CNTN5: variants seen among roughly 807,000 people sequenced by gnomAD.
CNTN5 encodes contactin 5.
A neutral mutation model predicts 129.1 loss-of-function variants in CNTN5; 77 were observed. The ratio of observed to expected loss-of-function variants is 0.60; its 90% CI spans 0.50 to 0.72. The LOEUF is 0.72. Ranked by LOEUF, CNTN5 falls within the 30% of genes least tolerant of loss-of-function variation. CNTN5 has a pLI of 0.00. For missense variants in CNTN5, 1,478 were observed against 1,328.8 expected, an observed-to-expected ratio of 1.11 and a Z score of -1.75; for synonymous variants, 509 against 465.6, an observed-to-expected ratio of 1.09 and a Z score of -1.20.
chr11:99,378,857 A>G (rs964844336), intron 2 of CNTN5, among the ~76,000 whole-genome samples: 11 of 152,128 alleles, frequency 7.2e-5, no homozygotes, highest in Non-Finnish European at 1.2e-4. Context: ...TGAACATATT[A>G]TAATAGTTGC....
Position 99,244,916 on chromosome 11 carries a change from T to C in CNTN5, c.-209-80430T>C, listed in dbSNP as rs370160918. 2.1e-4 allele frequency among the ~76,000 whole-genome samples: 32 copies of C among 152,354 alleles called. No homozygotes were observed. In the East Asian group the frequency reaches 2.9e-3, roughly 14 times the overall value. On this transcript the variant is annotated intron_variant, in intron 1 of 24. Transcript: ENST00000524871. ...CTTTTAGAAGAATGAAAGGATAGTA[T>C]TGAGTTACTACGTTACATTCAGCAA...
intron 14 of CNTN5, among the ~76,000 whole-genome samples, chr11:100,192,295 A>C (rs1297783140): frequency 1.3e-5 from 2 of 151,956 alleles, no homozygotes; most frequent in African/African-American, 4.8e-5. Context: ...TACTCAGAAC[A>C]CTCCAATCCC....
In CNTN5 at chr11:99,867,888, A is replaced by G. The variant is rs569201079; in HGVS notation, c.577+22626A>G. On this transcript the variant is annotated intron_variant, in intron 6 of 24. Transcript: ENST00000524871. ...GGAAATTGCCCAGGTTGTGCCAGAT[A>G]TGGTATACAAGAGACAAAAGGCAAG... 5.3e-5 allele frequency among the ~76,000 whole-genome samples: 8 copies of G among 152,310 alleles called. No individual in the cohort carries two copies. The South Asian group carries it at 1.4e-3, about 28-fold the overall frequency.
intron 4 of CNTN5, among the ~76,000 whole-genome samples, chr11:99,820,632 A>T (rs1946772650): frequency 2.1e-5 from 1 of 47,876 alleles, no homozygotes; most frequent in Non-Finnish European, 5.3e-5. Context: ...AGTCTATTTT[A>T]TATAGATATG....
intron 9 of CNTN5, among the ~76,000 whole-genome samples, chr11:100,039,755 T>A (rs953348594): frequency 3.9e-5 from 6 of 152,360 alleles, no homozygotes; most frequent in African/African-American, 1.2e-4. Context: ...TTCCAGTTGA[T>A]GGCATTGGCT....
At chr11:100,000,785 C>T (rs1364849529) in intron 8 of CNTN5, among the ~76,000 whole-genome samples, 1 of 152,170 alleles carries the variant, frequency 6.6e-6, no homozygotes, top group East Asian at 1.9e-4. Flanking sequence ...GAAGAGGTTG[C>T]CAAACCTGAA....
At chr11:100,310,325 C>G (rs1345362115) in intron 21 of CNTN5, among the ~76,000 whole-genome samples, 3 of 151,872 alleles carry the variant, frequency 2.0e-5, no homozygotes, top group African/African-American at 7.2e-5. Context: ...TATAGCCAGT[C>G]ACCCTCAAGC....
intron 15 of CNTN5, among the ~76,000 whole-genome samples, chr11:100,201,865 C>T (rs1234962995): frequency 1.3e-5 from 2 of 151,850 alleles, no homozygotes; most frequent in African/African-American, 4.8e-5. Context: ...TGCCTTCAGT[C>T]AAAGAGAGTT....
In CNTN5 at chr11:99,761,302, C is replaced by T. The variant is rs952552762; in HGVS notation, c.56-58242C>T. ...TTATTATACTTTAAGTTTTAGGGTA[C>T]GTGTGCACATTGTGCAGGTTTGTTA... On this transcript the variant is annotated intron_variant, in intron 3 of 24. Transcript: ENST00000524871. Among the ~76,000 whole-genome samples the T allele has an allele frequency of 2.5e-4, 38 of 151,812 alleles. 1 individual carries two copies. Among genetic ancestry groups the T allele is most frequent in the African/African-American group, 5.3e-4 (22 of 41,374 alleles).
chr11:99,426,487 A>T (rs904930680), intron 2 of CNTN5, among the ~76,000 whole-genome samples: 2 of 152,206 alleles, frequency 1.3e-5, no homozygotes, highest in Non-Finnish European at 2.9e-5. Context: ...AATTTTAATC[A>T]TCTTGACCAT....
chr11:100,220,310 A>G (rs1199638837), intron 15 of CNTN5, among the ~76,000 whole-genome samples: 1 of 152,080 alleles, frequency 6.6e-6, no homozygotes. Flanking sequence ...CTCTTGGAAG[A>G]AGAAATACTG....
chr11:99,301,911 A>G (rs1864658568), intron 1 of CNTN5, among the ~76,000 whole-genome samples: 1 of 151,774 alleles, frequency 6.6e-6, no homozygotes, highest in Admixed American at 6.6e-5. Context: ...TAAATTAAAT[A>G]TGAAAAAGAG....
At chr11:100,075,366 T>A (rs2137895000) in intron 13 of CNTN5, among the ~76,000 whole-genome samples, 1 of 152,198 alleles carries the variant, frequency 6.6e-6, no homozygotes, top group East Asian at 1.9e-4. Flanking sequence ...TTGGCACTCT[T>A]ACACCAAAAG....
intron 1 of CNTN5, among the ~76,000 whole-genome samples, chr11:99,154,217 G>T (rs1860220407): frequency 6.6e-6 from 1 of 152,188 alleles, no homozygotes; most frequent in African/African-American, 2.4e-5. Flanking sequence ...TCCTGCACAT[G>T]CTCACTCCAG....
chr11:99,294,324 A>C (rs776816295), intron 1 of CNTN5, among the ~76,000 whole-genome samples: 4 of 152,204 alleles, frequency 2.6e-5, no homozygotes, highest in Non-Finnish European at 4.4e-5. Context: ...GTGAAGGTGC[A>C]GTATACTAAC....
intron 18 of CNTN5, among the ~76,000 whole-genome samples, chr11:100,292,065 T>G (rs1163428525): frequency 6.6e-6 from 1 of 151,966 alleles, no homozygotes; most frequent in African/African-American, 2.4e-5. Flanking sequence ...TAATCTCACA[T>G]CTAATTCCAT....
intron 3 of CNTN5, among the ~76,000 whole-genome samples, chr11:99,630,457 A>G (rs1951301669): frequency 6.6e-6 from 1 of 152,014 alleles, no homozygotes; most frequent in Non-Finnish European, 1.5e-5. Flanking sequence ...CCATGGATTC[A>G]TAGGTGACTC....
chr11:100,148,681 A>G (rs1946939689), intron 13 of CNTN5, among the ~76,000 whole-genome samples: 1 of 149,952 alleles, frequency 6.7e-6, no homozygotes, highest in Admixed American at 6.7e-5. Flanking sequence ...TAACAGGACC[A>G]ATGGAAAGTA....
At chr11:99,166,943 A>T (rs960425521) in intron 1 of CNTN5, among the ~76,000 whole-genome samples, 2 of 152,144 alleles carry the variant, frequency 1.3e-5, no homozygotes, top group African/African-American at 2.4e-5. Flanking sequence ...TTAAAACATT[A>T]TCCACTACAT....
Sources: allele counts gnomAD v4.1 joint callset (sites outside exome capture counted in the v4.1 genomes callset), GRCh38; gene constraint gnomAD v4.1.1; transcripts MANE v1.5; gene names NCBI Gene and HGNC (gene_info 2026-07-23, HGNC 2026-07-21).